METAP1D: variants seen among roughly 807,000 people sequenced by gnomAD.
METAP1D encodes methionyl aminopeptidase type 1D, mitochondrial.
In METAP1D, 31 loss-of-function variants were observed where a neutral mutation model predicts 40.5. The ratio of observed to expected loss-of-function variants is 0.77; its 90% CI spans 0.58 to 1.03. METAP1D has a LOEUF of 1.03. Ranked by LOEUF, METAP1D falls within the 50% of genes least tolerant of loss-of-function variation. The probability of loss-of-function intolerance (pLI) is 0.00; values close to 1 mark genes in which losing one functional copy is unlikely to be tolerated. For missense variants in METAP1D, 411 were observed against 420.7 expected (o/e 0.98, Z 0.20); for synonymous variants, 151 against 146.4 (o/e 1.03, Z -0.22).
chr2:172,024,824 C>G (rs1310659217), intron 1 of METAP1D, among the ~76,000 whole-genome samples: 3 of 149,758 alleles, frequency 2.0e-5, no homozygotes, highest in Non-Finnish European at 4.4e-5. Flanking sequence ...TAAGTTGGTT[C>G]TGGTAGAATT....
chr2:172,080,523 T>C lies in METAP1D; in HGVS notation c.*117T>C. 9.3e-7 allele frequency: 1 copy of C among 1,079,316 alleles called. No homozygotes were observed. Among genetic ancestry groups the C allele is most frequent in the Admixed American group, 2.0e-5 (1 of 51,138 alleles). 66.9% of individuals were successfully genotyped at this position (1,079,316 alleles called of 1,614,324 possible). On this transcript the variant is annotated 3_prime_UTR_variant, in exon 10 of 10. Transcript: ENST00000315796. The stretch of plus-strand genomic sequence containing the variant: ...CCGGTGGTGCGGTAACCTGCGTGGC[T>C]CCTGATAGCGTTTGGAAGAACGCGG...
intron 1 of METAP1D, among the ~76,000 whole-genome samples, chr2:172,004,380 G>A (rs1688532850): frequency 6.6e-6 from 1 of 151,796 alleles, no homozygotes; most frequent in African/African-American, 2.4e-5. Flanking sequence ...CTGGAATGCA[G>A]TGGTGTGATC....
At chr2:172,003,250 G>C (rs1688505060) in intron 1 of METAP1D, among the ~76,000 whole-genome samples, 1 of 152,084 alleles carries the variant, frequency 6.6e-6, no homozygotes, top group African/African-American at 2.4e-5. Flanking sequence ...ATACTCCCAA[G>C]TATTAGTGCT....
rs769557696 is a variant in METAP1D at position 172,032,249 on chromosome 2, A to T, written c.41-29249A>T. Among the ~76,000 whole-genome samples the T allele has an allele frequency of 8.8e-4, 134 of 152,202 alleles. 1 individual carries two copies. Among genetic ancestry groups the T allele is most frequent in the Non-Finnish European group, 1.7e-3 (117 of 68,038 alleles). Reference sequence around the variant, plus strand: ...AAGAAAAGAATAGAAAAGATACGTGATTTATTAAGTCTGAGAGATTAATAG... The same window carrying T: ...AAGAAAAGAATAGAAAAGATACGTGTTTTATTAAGTCTGAGAGATTAATAG... On this transcript the variant is annotated intron_variant, in intron 1 of 9. Transcript: ENST00000315796.
intron 1 of METAP1D, among the ~76,000 whole-genome samples, chr2:172,043,162 A>C (rs1689660789): frequency 7.8e-6 from 1 of 129,002 alleles, no homozygotes; most frequent in Non-Finnish European, 1.8e-5. Flanking sequence ...GGCTGGTCTC[A>C]AACTCCTGAG....
chr2:172,037,465 C>CTTG (rs143475136), intron 1 of METAP1D, among the ~76,000 whole-genome samples: 145,480 of 152,138 alleles, frequency 0.96, 69,918 homozygotes, highest in East Asian at 1. Context: ...ACCTTTTTCA[C>CTTG]TTGTGATATT....
At chr2:172,001,900 C>T (rs2105366088) in intron 1 of METAP1D, among the ~76,000 whole-genome samples, 1 of 152,202 alleles carries the variant, frequency 6.6e-6, no homozygotes, top group East Asian at 1.9e-4. Flanking sequence ...AGTTCAAGAC[C>T]AGCCTGGCCA....
intron 1 of METAP1D, among the ~76,000 whole-genome samples, chr2:172,051,990 T>C (rs575496174): frequency 2.3e-4 from 35 of 152,340 alleles, no homozygotes; most frequent in African/African-American, 8.2e-4. Context: ...TCTTTGTTAC[T>C]GTTTTAGTGG....
At chr2:172,010,747 TG>T (rs1490086810) in intron 1 of METAP1D, among the ~76,000 whole-genome samples, 3 of 135,350 alleles carry the variant, frequency 2.2e-5, no homozygotes, top group Admixed American at 1.5e-4. Context: ...ACCTGCCCAA[TG>T]TTTTTTTTTT....
chr2:172,002,675 G>A (rs1438556784), intron 1 of METAP1D, among the ~76,000 whole-genome samples: 2 of 152,100 alleles, frequency 1.3e-5, no homozygotes, highest in Non-Finnish European at 2.9e-5. Context: ...AAATTGCAGA[G>A]AGGTTTTCCT....
chr2:172,049,933 G>C (rs1352566011), intron 1 of METAP1D, among the ~76,000 whole-genome samples: 1 of 152,196 alleles, frequency 6.6e-6, no homozygotes, highest in African/African-American at 2.4e-5. Flanking sequence ...ACCACGATAA[G>C]ATTGATATTC....
chr2:172,067,598 A>G (rs1275887896), intron 5 of METAP1D, among the ~76,000 whole-genome samples: 1 of 152,138 alleles, frequency 6.6e-6, no homozygotes, highest in African/African-American at 2.4e-5. Flanking sequence ...ATTGTACCTG[A>G]TTTTACGGTT....
chr2:172,028,918 G>C (rs1321745771), intron 1 of METAP1D, among the ~76,000 whole-genome samples: 5 of 152,106 alleles, frequency 3.3e-5, no homozygotes, highest in African/African-American at 1.2e-4. Context: ...CTTTAATTAT[G>C]TATTTATTGT....
chr2:172,074,687 A>G (rs972007068), intron 6 of METAP1D, among the ~76,000 whole-genome samples: 1 of 152,180 alleles, frequency 6.6e-6, no homozygotes, highest in African/African-American at 2.4e-5. Flanking sequence ...ATTCCTTTTC[A>G]TTAGAAGGAA....
At chr2:172,036,178 G>A (rs962483627) in intron 1 of METAP1D, among the ~76,000 whole-genome samples, 17 of 151,124 alleles carry the variant, frequency 1.1e-4, no homozygotes, top group East Asian at 2.0e-4. Flanking sequence ...TTAGCTGGGC[G>A]TGGTGGCGGG....
chr2:172,015,606 T>A (rs1161316805), intron 1 of METAP1D, among the ~76,000 whole-genome samples: 1 of 152,136 alleles, frequency 6.6e-6, no homozygotes, highest in East Asian at 1.9e-4. Context: ...AAATACTGCC[T>A]ATTAAACTAT....
intron 1 of METAP1D, among the ~76,000 whole-genome samples, chr2:172,037,497 A>G (rs192964375): frequency 3.3e-4 from 51 of 152,322 alleles, no homozygotes; most frequent in Non-Finnish European, 5.3e-4. Context: ...TGATAGCTCA[A>G]TTTATCAATT....
chr2:172,036,134 G>A lies in METAP1D; in HGVS notation c.41-25364G>A, dbSNP rs371872901. On this transcript the variant is annotated intron_variant, in intron 1 of 9. Transcript: ENST00000315796. Reference sequence around the variant, plus strand: ...AGATCAAGACCATCCTGGCTAACACGGTGAAACCCCGTCTCTACTAAAAAT... The same window carrying A: ...AGATCAAGACCATCCTGGCTAACACAGTGAAACCCCGTCTCTACTAAAAAT... Among the ~76,000 whole-genome samples the A allele has an allele frequency of 2.5e-3, 375 of 151,590 alleles. 6 individuals are homozygous for A. In the East Asian group the frequency reaches 0.037, roughly 15 times the overall value.
intron 1 of METAP1D, among the ~76,000 whole-genome samples, chr2:172,056,888 G>T (rs1355287938): frequency 6.6e-6 from 1 of 152,072 alleles, no homozygotes; most frequent in Non-Finnish European, 1.5e-5. Flanking sequence ...CCTCCCAACT[G>T]GATCATTTCT....
Sources: gnomAD v4.1 joint callset for allele counts (sites outside exome capture counted in the v4.1 genomes callset) on GRCh38, gnomAD v4.1.1 for gene constraint, MANE v1.5 for transcripts, NCBI Gene and HGNC (gene_info 2026-07-23, HGNC 2026-07-21) for gene names.